Variants in ROBO1 observed in about 807,000 individuals in gnomAD.
ROBO1 encodes the protein roundabout homolog 1.
ROBO1 carries 149 observed loss-of-function variants against 195.9 expected under a neutral mutation model. That is an observed-to-expected ratio of 0.76 (90% CI 0.67 to 0.87). The LOEUF (loss-of-function observed/expected upper bound fraction) is 0.87. ROBO1 is among the 40% of genes least tolerant of loss of function. The pLI, the probability that ROBO1 is intolerant of heterozygous loss-of-function variation, is 0.00. For missense variants in ROBO1, 1,933 were observed against 2,068.3 expected (o/e 0.93, Z 1.27); for synonymous variants, 816 against 733.2 (o/e 1.11, Z -1.82).
intron 3 of ROBO1, among the ~76,000 whole-genome samples, chr3:79,002,418 T>G (rs996446970): frequency 6.6e-6 from 1 of 152,116 alleles, no homozygotes; most frequent in Non-Finnish European, 1.5e-5. Flanking sequence ...TATGAAGAGA[T>G]AAAATTAAAT....
intron 4 of ROBO1, among the ~76,000 whole-genome samples, chr3:78,929,930 T>C (rs1030109220): frequency 6.6e-6 from 1 of 152,186 alleles, no homozygotes; most frequent in Admixed American, 6.5e-5. Context: ...AAGACAGCTT[T>C]ACATTTATCA....
intron 26 of ROBO1, among the ~76,000 whole-genome samples, chr3:78,625,664 C>G (rs1370233660): frequency 6.6e-6 from 1 of 152,210 alleles, no homozygotes; most frequent in Non-Finnish European, 1.5e-5. Flanking sequence ...AGATGCTTTA[C>G]ACACATTATC....
At chr3:78,713,073 ATGTGAAGAGGTTTT>A (rs2081804512) in intron 8 of ROBO1, among the ~76,000 whole-genome samples, 1 of 152,120 alleles carries the variant, frequency 6.6e-6, no homozygotes. Context: ...CTTTCTGTAA[ATGTGAAGAGGTTTT>A]CTTTTCTTAG....
chr3:79,462,907 A>G (rs1477816823), intron 2 of ROBO1, among the ~76,000 whole-genome samples: 9 of 152,232 alleles, frequency 5.9e-5, no homozygotes, highest in Admixed American at 5.9e-4. Flanking sequence ...TAGTATACGT[A>G]GATACACTAT....
intron 3 of ROBO1, among the ~76,000 whole-genome samples, chr3:79,013,728 G>A (rs764199184): frequency 2.0e-5 from 3 of 152,004 alleles, no homozygotes; most frequent in Non-Finnish European, 4.4e-5. Flanking sequence ...GTAAAATCAG[G>A]GCACAGTAAT....
intron 3 of ROBO1, among the ~76,000 whole-genome samples, chr3:79,083,769 C>G (rs896924677): frequency 1.3e-5 from 2 of 151,992 alleles, no homozygotes; most frequent in Non-Finnish European, 2.9e-5. Context: ...GAAGTATTAC[C>G]CTATTCTATG....
At chr3:78,841,614 G>C (rs1576271204) in intron 4 of ROBO1, among the ~76,000 whole-genome samples, 1 of 151,562 alleles carries the variant, frequency 6.6e-6, no homozygotes, top group African/African-American at 2.4e-5. Context: ...ACAAAAGCTA[G>C]ATCCATAAAA....
intron 2 of ROBO1, among the ~76,000 whole-genome samples, chr3:79,282,759 A>G (rs1297390199): frequency 1.3e-5 from 2 of 152,220 alleles, no homozygotes; most frequent in Non-Finnish European, 2.9e-5. Flanking sequence ...TCAACTAGTA[A>G]TGGGGAGAAC....
chr3:79,369,508 G>C (rs1021370242), intron 2 of ROBO1, among the ~76,000 whole-genome samples: 21 of 152,038 alleles, frequency 1.4e-4, no homozygotes, highest in Non-Finnish European at 2.6e-4. Context: ...ATTGATTTTA[G>C]CAAGTACAAT....
chr3:79,273,095 A>G (rs2030714652), intron 2 of ROBO1, among the ~76,000 whole-genome samples: 1 of 152,146 alleles, frequency 6.6e-6, no homozygotes, highest in South Asian at 2.1e-4. Context: ...GACCTACCTT[A>G]TAAGAAATGC....
At chr3:78,717,718 A>G (rs2081937098) in intron 6 of ROBO1, 45 bp downstream of exon 6, 1 of 1,594,032 alleles carries the variant, frequency 6.3e-7, no homozygotes, top group Admixed American at 1.8e-5. Context: ...CAAAATGATA[A>G]GAGATCTATT....
chr3:78,980,471 C>A (rs923659193), intron 3 of ROBO1, among the ~76,000 whole-genome samples: 2 of 152,188 alleles, frequency 1.3e-5, no homozygotes, highest in Non-Finnish European at 1.5e-5. Context: ...ACAAGGTTAC[C>A]ATTTTAATAA....
In ROBO1 at chr3:79,328,512, G is replaced by A. The variant is rs549406743; in HGVS notation, c.89-202973C>T. Among the ~76,000 whole-genome samples, 6 of 152,160 alleles carry A rather than the reference G, an allele frequency of 3.9e-5. No homozygotes were observed. In the South Asian group the frequency reaches 6.2e-4, roughly 16 times the overall value. On this transcript the variant is annotated intron_variant, in intron 2 of 30. Coordinates refer to ENST00000464233, the MANE Select transcript of ROBO1 (RefSeq NM_002941.4). The stretch of plus-strand genomic sequence containing the variant: ...TGAAGTCATGCTTAGGAGTTGTATC[G>A]AGGCAGAATATTAAATAAAACTCTT...
intron 2 of ROBO1, among the ~76,000 whole-genome samples, chr3:79,475,758 A>G (rs974790233): frequency 5.9e-5 from 9 of 152,084 alleles, no homozygotes; most frequent in African/African-American, 2.2e-4. Context: ...GAAAGTTTTA[A>G]TAACAAAGGC....
chr3:79,660,012 A>C (rs2106817880), intron 1 of ROBO1, among the ~76,000 whole-genome samples: 1 of 152,112 alleles, frequency 6.6e-6, no homozygotes, highest in African/African-American at 2.4e-5. Context: ...AGTTGATTAT[A>C]TTGGTCAAGA....
At chr3:79,274,101 G>T (rs866666555) in intron 2 of ROBO1, among the ~76,000 whole-genome samples, 8 of 151,910 alleles carry the variant, frequency 5.3e-5, no homozygotes, top group African/African-American at 1.9e-4. Flanking sequence ...GTATTGGACA[G>T]ATTATATAGA....
chr3:79,525,238 C>T (rs1366700693), intron 2 of ROBO1, among the ~76,000 whole-genome samples: 1 of 150,392 alleles, frequency 6.6e-6, no homozygotes, highest in East Asian at 2.0e-4. Flanking sequence ...ATTTTTTAGT[C>T]TTATTACACT....
intron 1 of ROBO1, among the ~76,000 whole-genome samples, chr3:79,592,814 T>G (rs569703525): frequency 6.6e-6 from 1 of 152,086 alleles, no homozygotes; most frequent in Non-Finnish European, 1.5e-5. Context: ...TTTGAACAAA[T>G]GTATATGACA....
At chr3:79,447,062 C>T (rs1211665582) in intron 2 of ROBO1, among the ~76,000 whole-genome samples, 1 of 151,946 alleles carries the variant, frequency 6.6e-6, no homozygotes, top group East Asian at 1.9e-4. Flanking sequence ...AACTCCTGAC[C>T]TTGTGATCCG....
Sources: allele counts gnomAD v4.1 joint callset (sites outside exome capture counted in the v4.1 genomes callset), GRCh38; gene constraint gnomAD v4.1.1; transcripts MANE v1.5; gene names NCBI Gene and HGNC (gene_info 2026-07-23, HGNC 2026-07-21).